FGD6: variants seen among roughly 807,000 people sequenced by gnomAD.
FGD6 encodes FYVE, RhoGEF and PH domain-containing protein 6.
A neutral mutation model predicts 149.4 loss-of-function variants in FGD6; 90 were observed. That is an observed-to-expected ratio of 0.60 (90% CI 0.51 to 0.72). The LOEUF is 0.72. Ranked by LOEUF, FGD6 falls within the 30% of genes least tolerant of loss-of-function variation. The pLI is 0.00. For missense variants in FGD6, 1,437 were observed against 1,684.8 expected (o/e 0.85, Z 2.57); for synonymous variants, 527 against 584.0 (o/e 0.90, Z 1.41).
Position 95,080,180 on chromosome 12 carries a change from G to A in FGD6, c.*1340C>T, listed in dbSNP as rs1877628998. 6.6e-6 allele frequency: 1 copy of A among 152,124 alleles called. No homozygotes were observed. The highest frequency in any genetic ancestry group is 2.1e-4 in the South Asian group (1 of 4,812). 9.4% of individuals were successfully genotyped at this position (152,124 alleles called of 1,614,324 possible). On this transcript the variant is annotated 3_prime_UTR_variant, in exon 21 of 21. Transcript: ENST00000343958. ...TTGGCCAGGCTGGTCTCGATCTCCT[G>A]ACCTCAGGTGGTCCAACGGCCTCGG...
intron 9 of FGD6, among the ~76,000 whole-genome samples, chr12:95,109,554 A>C (rs976402094): frequency 8.8e-6 from 1 of 113,440 alleles, no homozygotes; most frequent in Non-Finnish European, 1.9e-5. Flanking sequence ...AGTGGTCATC[A>C]AAAAAAGGAC....
At chr12:95,187,914 T>C (rs1881489674) in intron 2 of FGD6, among the ~76,000 whole-genome samples, 1 of 152,206 alleles carries the variant, frequency 6.6e-6, no homozygotes. Context: ...TCAATATTCT[T>C]TCTTATTTCT....
intron 3 of FGD6, among the ~76,000 whole-genome samples, chr12:95,160,105 G>T (rs1388605497): frequency 6.6e-6 from 1 of 152,070 alleles, no homozygotes; most frequent in Non-Finnish European, 1.5e-5. Flanking sequence ...AGCAATTTGG[G>T]AGGCTGAGGT....
chr12:95,090,621 C>A (rs113837901), intron 17 of FGD6, among the ~76,000 whole-genome samples: 7 of 152,156 alleles, frequency 4.6e-5, no homozygotes, highest in African/African-American at 1.7e-4. Flanking sequence ...ATACCATATA[C>A]CCAGACTAAA....
chr12:95,203,760 T>C (rs1313043409), intron 2 of FGD6, among the ~76,000 whole-genome samples: 1 of 152,212 alleles, frequency 6.6e-6, no homozygotes, highest in East Asian at 1.9e-4. Context: ...ATATTTATAA[T>C]AAGAACAAAT....
intron 2 of FGD6, among the ~76,000 whole-genome samples, chr12:95,187,444 G>A (rs573235217): frequency 6.6e-6 from 1 of 150,542 alleles, no homozygotes; most frequent in East Asian, 2.0e-4. Flanking sequence ...CATGAGGTCA[G>A]CAGATCGAGA....
rs1877621211 is a variant in FGD6 at position 95,079,981 on chromosome 12, C to CG, written c.*1538dup. The CG allele has an allele frequency of 7.3e-6, 1 of 136,344 alleles. No individual in the cohort carries two copies. The highest frequency in any genetic ancestry group is 1.5e-5 in the Non-Finnish European group (1 of 65,576). 8.4% of individuals were successfully genotyped at this position (136,344 alleles called of 1,614,324 possible). A position where few individuals can be genotyped will look rare whatever the true frequency, so the allele number is the denominator to read the frequency against. On this transcript the variant is annotated 3_prime_UTR_variant, in exon 21 of 21. Coordinates refer to ENST00000343958, the MANE Select transcript of FGD6 (RefSeq NM_018351.4). ...TTTTTTTTTTTTTGAGATGGAGTCT[C>CG]GCTCTGTCATCCCAGGCTGGAGTGC... is the stretch of plus-strand genomic sequence containing the variant.
chr12:95,143,953 G>A (rs892084387), intron 5 of FGD6, among the ~76,000 whole-genome samples: 1 of 152,158 alleles, frequency 6.6e-6, no homozygotes, highest in Non-Finnish European at 1.5e-5. Context: ...CTGGCAGCAG[G>A]ATAACTTTTG....
chr12:95,123,070 T>G (rs1592841799), intron 8 of FGD6, among the ~76,000 whole-genome samples: 2 of 140,594 alleles, frequency 1.4e-5, no homozygotes, highest in Admixed American at 7.1e-5. Flanking sequence ...AAAAAAGCGA[T>G]CTTTCTGGGC....
chr12:95,203,033 A>G (rs2056671104), intron 2 of FGD6, among the ~76,000 whole-genome samples: 1 of 152,222 alleles, frequency 6.6e-6, no homozygotes, highest in Non-Finnish European at 1.5e-5. Flanking sequence ...TTGAAATCCA[A>G]CAATACCATG....
chr12:95,168,498 T>C (rs1191684797), intron 3 of FGD6, among the ~76,000 whole-genome samples: 5 of 152,100 alleles, frequency 3.3e-5, no homozygotes, highest in Non-Finnish European at 5.9e-5. Flanking sequence ...ACTCCGTCTC[T>C]ACTAAAAATA....
chr12:95,183,705 G>A (rs960711210), intron 2 of FGD6, among the ~76,000 whole-genome samples: 3 of 152,150 alleles, frequency 2.0e-5, no homozygotes, highest in Non-Finnish European at 4.4e-5. Context: ...AAGTATGGGG[G>A]TGAACACCTG....
At chr12:95,126,732 AAAAAAAAAAAAAAG>A (rs1879357187) in intron 8 of FGD6, among the ~76,000 whole-genome samples, 1 of 2,962 alleles carries the variant, frequency 3.4e-4, no homozygotes, top group African/African-American at 0.011. Flanking sequence ...CTCAGTCTCA[AAAAAAAAAAAAAAG>A]AAAAAGAAAA....
chr12:95,094,803 A>G, intron 14 of FGD6, 109 bp from the exon 15 acceptor site: 1 of 744,518 alleles, frequency 1.3e-6, no homozygotes, highest in African/African-American at 1.7e-5. Flanking sequence ...CAACAATACC[A>G]GTCAAAAAAG....
chr12:95,211,342 A>AT, intron 1 of FGD6, 75 bp from the exon 2 acceptor site: 2 of 1,481,966 alleles, frequency 1.3e-6, no homozygotes, highest in Non-Finnish European at 1.8e-6. Context: ...ATCTGATAGC[A>AT]TTTTTTATTT....
At chr12:95,124,373 T>TA (rs1407789115) in intron 8 of FGD6, among the ~76,000 whole-genome samples, 2 of 152,280 alleles carry the variant, frequency 1.3e-5, no homozygotes, top group East Asian at 1.9e-4. Context: ...AAAGCAAACT[T>TA]ACGTTTAGGG....
intron 2 of FGD6, among the ~76,000 whole-genome samples, chr12:95,180,079 C>CAA (rs148087005): frequency 0.27 from 37,164 of 138,462 alleles, 5,590 homozygotes; most frequent in East Asian, 0.4. Flanking sequence ...ACTCTGCCTC[C>CAA]AAAAAAAAAA....
At chr12:95,139,845 T>C (rs1341734395) in intron 6 of FGD6, among the ~76,000 whole-genome samples, 4 of 151,780 alleles carry the variant, frequency 2.6e-5, no homozygotes, top group Non-Finnish European at 1.5e-5. Flanking sequence ...CCATGTTGGC[T>C]AGGCTGGTCT....
intron 8 of FGD6, among the ~76,000 whole-genome samples, chr12:95,119,722 G>A (rs1390758636): frequency 1.3e-5 from 2 of 152,140 alleles, no homozygotes; most frequent in East Asian, 3.9e-4. Context: ...CCGGAGGTCA[G>A]GAGTTTGAGA....
Sources: allele counts gnomAD v4.1 joint callset (sites outside exome capture counted in the v4.1 genomes callset), GRCh38; gene constraint gnomAD v4.1.1; transcripts MANE v1.5; gene names NCBI Gene and HGNC (gene_info 2026-07-23, HGNC 2026-07-21).